PRPF6: variants seen among roughly 807,000 people sequenced by gnomAD.
PRPF6 encodes the protein pre-mRNA-processing factor 6.
In PRPF6, 42 loss-of-function variants were observed where a neutral mutation model predicts 118.3. The observed-to-expected ratio is 0.35, with a 90% CI of 0.28 to 0.46. The LOEUF is 0.46. Among genes scored for constraint, PRPF6 ranks in the 20% least tolerant of loss-of-function variants. The probability of loss-of-function intolerance (pLI) is 1.00; values close to 1 mark genes in which losing one functional copy is unlikely to be tolerated. For synonymous variants in PRPF6, 481 were observed against 485.1 expected (o/e 0.99, Z 0.11); for missense variants, 662 against 1,255.7 (o/e 0.53, Z 7.15).
intron 6 of PRPF6, among the ~76,000 whole-genome samples, chr20:63,998,499 C>G (rs184784459): frequency 4.0e-5 from 6 of 151,620 alleles, no homozygotes; most frequent in Admixed American, 4.0e-4. Flanking sequence ...TGCCACTGCA[C>G]TCCTGCTTGG....
intron 8 of PRPF6, 138 bp from the exon 9 acceptor site, chr20:64,000,939 C>T (rs998857584): frequency 3.6e-6 from 3 of 825,858 alleles, no homozygotes. Flanking sequence ...ACTCCTGGTG[C>T]AGGTGTGTTA....
At chr20:63,997,277 G>A (rs1411256442) in intron 6 of PRPF6, among the ~76,000 whole-genome samples, 2 of 148,654 alleles carry the variant, frequency 1.3e-5, no homozygotes, top group South Asian at 4.3e-4. Context: ...TGCAGCATGC[G>A]TCAGCATGTT....
At position 63,983,077 on chromosome 20, in the gene PRPF6, T is replaced by C; in HGVS notation, c.102T>C (p.Ile34=). ...CTGGCTTCACCACGCGGTCAGACAT[T>C]GGGCCCGCCCGTGATGCAAATGACC... The part of the protein sequence containing the change: ...GATGFTTRSD[I]GPARDANDPV... The change falls in exon 2 of 21, where the codon ATT becomes ATC. Residue 34 remains isoleucine, a synonymous_variant. Coordinates refer to ENST00000266079, the MANE Select transcript of PRPF6 (RefSeq NM_012469.4). The C allele has an allele frequency of 6.2e-7, 1 of 1,614,162 alleles. No individual in the cohort carries two copies. Among genetic ancestry groups the C allele is most frequent in the East Asian group, 2.2e-5 (1 of 44,888 alleles).
chr20:64,010,146 C>T, intron 9 of PRPF6, 54 bp from the exon 10 acceptor site: 1 of 1,464,678 alleles, frequency 6.8e-7, no homozygotes, highest in Non-Finnish European at 9.6e-7. Flanking sequence ...CCACATGAGC[C>T]TCCTGTTTTT....
In PRPF6 at chr20:64,026,925, A is replaced by G. The variant is rs1190609711; in HGVS notation, c.2029-57A>G. 5 of 1,592,926 alleles carry G rather than the reference A, an allele frequency of 3.1e-6. No individual in the cohort carries two copies. Among genetic ancestry groups the G allele is most frequent in the African/African-American group, 1.3e-5 (1 of 74,524 alleles). ...TAACAGTGTTGAGGATGAGTGTACC[A>G]TGAAGCACGTACCCTGGAGCTGATG... is the stretch of plus-strand genomic sequence containing the variant. On this transcript the variant is annotated intron_variant, in intron 15 of 20. Transcript: ENST00000266079. The surrounding 1 kb of genome is among the most constrained non-coding windows in gnomAD (Gnocchi z 4.4).
intron 9 of PRPF6, among the ~76,000 whole-genome samples, chr20:64,006,773 C>T (rs182038765): frequency 1.3e-5 from 2 of 152,164 alleles, no homozygotes; most frequent in African/African-American, 2.4e-5. Context: ...GAGATCCAGC[C>T]GGGATTGGTG....
Position 64,029,865 on chromosome 20 carries a change from G to C in PRPF6, c.2546+374G>C, listed in dbSNP as rs938243699. Among the ~76,000 whole-genome samples the C allele has an allele frequency of 6.6e-6, 1 of 151,558 alleles. No homozygotes were observed. The highest frequency in any genetic ancestry group is 2.4e-5 in the African/African-American group (1 of 41,122). ...GCCGGGTCAGAGACTCACTGGGGAC[G>C]CATGTGATTCACACTGGTGCGCTGG... On this transcript the variant is annotated intron_variant, in intron 19 of 20. Transcript: ENST00000266079. This position sits in a 1 kb window ranked among gnomAD's most constrained non-coding sequence, Gnocchi z 4.8.
At chr20:63,986,837 C>T (rs1291407409) in intron 3 of PRPF6, among the ~76,000 whole-genome samples, 4 of 151,100 alleles carry the variant, frequency 2.6e-5, no homozygotes, top group Non-Finnish European at 5.9e-5. Flanking sequence ...TTCAACATTC[C>T]TTGATGATAA....
chr20:63,997,859 G>GC (rs1164112581), intron 6 of PRPF6, among the ~76,000 whole-genome samples: 5 of 151,990 alleles, frequency 3.3e-5, no homozygotes, highest in Non-Finnish European at 2.9e-5. Flanking sequence ...ACAGGCATGA[G>GC]CCCCGGCGCC....
chr20:64,029,593 G>A lies in PRPF6; in HGVS notation c.2546+102G>A. ...CTGGTCATTGTAAAGATGCCCGGCA[G>A]CAGGGTGGGCTTCCCCGATCCTCGG... On this transcript the variant is annotated intron_variant, in intron 19 of 20. Coordinates refer to ENST00000266079, the MANE Select transcript of PRPF6 (RefSeq NM_012469.4). The surrounding 1 kb of genome is among the most constrained non-coding windows in gnomAD (Gnocchi z 4.8). 4.8e-6 allele frequency: 5 copies of A among 1,051,380 alleles called. No individual in the cohort carries two copies. The highest frequency in any genetic ancestry group is 7.2e-6 in the Non-Finnish European group (5 of 692,160). The allele number at this position is 1,051,380 out of a possible 1,614,324, so 65.1% of individuals were successfully genotyped here.
At chr20:64,021,842 T>G (rs1490090087) in intron 12 of PRPF6, among the ~76,000 whole-genome samples, 1 of 150,558 alleles carries the variant, frequency 6.6e-6, no homozygotes, top group Non-Finnish European at 1.5e-5. Flanking sequence ...TGTGTGTGCG[T>G]GTGTATGCGT....
chr20:64,031,683 A>C (rs1436876788), intron 19 of PRPF6, among the ~76,000 whole-genome samples: 3,007 of 128,818 alleles, frequency 0.023, 125 homozygotes, highest in African/African-American at 0.089. Flanking sequence ...AAAAAAAAAA[A>C]AAAAAAAACA....
chr20:63,999,675 T>G lies in PRPF6; in HGVS notation c.939T>G (p.Ile313Met). 2 of 1,614,134 alleles carry G rather than the reference T, an allele frequency of 1.2e-6. No homozygotes were observed. The highest frequency in any genetic ancestry group is 1.7e-6 in the Non-Finnish European group (2 of 1,180,012). Residue 313 changes from isoleucine to methionine, a missense_variant, in exon 8 of 21, where the codon ATT becomes ATG. Physicochemically the swap from Ile to Met is conservative, Grantham distance 10. Coordinates refer to ENST00000266079, the MANE Select transcript of PRPF6 (RefSeq NM_012469.4). Reference sequence around the variant, plus strand: ...ACCCTCATCACCCGCCAGCCTGGATTGCATCAGCCCGCCTGGAAGAAGTCA... The same window carrying G: ...ACCCTCATCACCCGCCAGCCTGGATGGCATCAGCCCGCCTGGAAGAAGTCA... ...ETNPHHPPAW[I>M]ASARLEEVTG...
rs145619667 is a variant in PRPF6, at chr20:64,012,899, A to C, written c.1524+1396A>C. 4.7e-3 allele frequency among the ~76,000 whole-genome samples: 710 copies of C among 149,848 alleles called. 4 individuals carry two copies. Among genetic ancestry groups the C allele is most frequent in the African/African-American group, 0.017 (674 of 40,268 alleles). ...CTTTGCTAGTAGAAATGATACACCT[A>C]CGAGAGGAGGACAGGAAGTCTCATG... On this transcript the variant is annotated intron_variant, in intron 11 of 20. Coordinates refer to ENST00000266079, the MANE Select transcript of PRPF6 (RefSeq NM_012469.4).
At position 63,993,264 on chromosome 20, in the gene PRPF6, ATATG is replaced by A. The variant is rs1359733942; in HGVS notation, c.360-139_360-136del. The A allele has an allele frequency of 1.6e-3, 402 of 258,324 alleles. 2 individuals are homozygous for A. The highest frequency in any genetic ancestry group is 3.0e-3 in the African/African-American group (67 of 22,238). The allele number at this position is 258,324 out of a possible 1,614,324, so 16.0% of individuals were successfully genotyped here. ...TGTGTGTGTGTGTGTGTGTGTGTGT[ATATG>A]TATATATATATATATATATTTGATT... On this transcript the variant is annotated intron_variant, in intron 3 of 20. Coordinates refer to ENST00000266079, the MANE Select transcript of PRPF6 (RefSeq NM_012469.4).
chr20:64,001,288 T>C (rs926933198), intron 9 of PRPF6, 49 bp downstream of exon 9: 3 of 1,598,336 alleles, frequency 1.9e-6, no homozygotes, highest in Non-Finnish European at 2.6e-6. Context: ...GGGCCCCTCC[T>C]CTCAGCAGCT....
At chr20:64,002,310 T>A (rs1440048790) in intron 9 of PRPF6, among the ~76,000 whole-genome samples, 1 of 150,818 alleles carries the variant, frequency 6.6e-6, no homozygotes, top group East Asian at 1.9e-4. Flanking sequence ...CGTGAGCCAC[T>A]GCACCTGGCC....
intron 3 of PRPF6, among the ~76,000 whole-genome samples, chr20:63,985,855 C>CA (rs750510837): frequency 2.0e-5 from 3 of 152,162 alleles, no homozygotes; most frequent in Non-Finnish European, 4.4e-5. Context: ...CAATTCTACT[C>CA]AGACTATTCT....
rs950283110 is a variant in PRPF6 at position 64,029,251 on chromosome 20, G to A, written c.2432-126G>A. 16 of 815,790 alleles carry A rather than the reference G, an allele frequency of 2.0e-5. No homozygotes were observed. In the African/African-American group the frequency reaches 2.0e-4, roughly 10 times the overall value. The allele number at this position is 815,790 out of a possible 1,614,324, so 50.5% of individuals were successfully genotyped here. ...TTGTGGTTCTCCTTGCACAAGTTCT[G>A]CGAGCCGTGTGTGGGAGGCCCCTGT... On this transcript the variant is annotated intron_variant, in intron 18 of 20. Transcript: ENST00000266079. This position sits in a 1 kb window ranked among gnomAD's most constrained non-coding sequence, Gnocchi z 4.8.
Sources: allele counts gnomAD v4.1 joint callset (sites outside exome capture counted in the v4.1 genomes callset), GRCh38; gene constraint gnomAD v4.1.1; non-coding constraint Gnocchi (gnomAD v3.1); transcripts MANE v1.5; gene names NCBI Gene and HGNC (gene_info 2026-07-23, HGNC 2026-07-21).